UGGT2: variants seen among roughly 807,000 people sequenced by gnomAD.
UGGT2 encodes the protein UDP-glucose:glycoprotein glucosyltransferase 2.
Under a neutral mutation model 192.1 loss-of-function variants are expected in UGGT2, and 180 were observed. The observed-to-expected ratio is 0.94, with a 90% confidence interval of 0.83 to 1.06. The LOEUF (loss-of-function observed/expected upper bound fraction) is 1.06. Among genes scored for constraint, UGGT2 ranks in the 50% least tolerant of loss-of-function variants. The probability of loss-of-function intolerance (pLI) is 0.00; values close to 1 mark genes in which losing one functional copy is unlikely to be tolerated. For synonymous variants in UGGT2, 580 were observed against 591.0 expected (o/e 0.98, Z 0.27); for missense variants, 1,849 against 1,795.7 (o/e 1.03, Z -0.54).
chr13:95,904,054 CCT>C (rs2048194262), intron 20 of UGGT2, among the ~76,000 whole-genome samples: 1 of 151,832 alleles, frequency 6.6e-6, no homozygotes, highest in African/African-American at 2.4e-5. Context: ...TTTTTTGGCC[CCT>C]GACTTGGAGG....
intron 17 of UGGT2, among the ~76,000 whole-genome samples, chr13:95,929,498 T>G (rs2049168679): frequency 6.6e-6 from 1 of 152,186 alleles, no homozygotes; most frequent in South Asian, 2.1e-4. Flanking sequence ...GCCATCTTTA[T>G]GTCTATGAGT....
chr13:95,938,580 A>G (rs776961394), intron 16 of UGGT2, among the ~76,000 whole-genome samples: 4 of 152,186 alleles, frequency 2.6e-5, no homozygotes, highest in Non-Finnish European at 5.9e-5. Flanking sequence ...GTACTATACT[A>G]TCTGTACGTT....
At chr13:95,922,880 CTT>C (rs573661425) in intron 20 of UGGT2, among the ~76,000 whole-genome samples, 42 of 152,216 alleles carry the variant, frequency 2.8e-4, no homozygotes, top group South Asian at 1.7e-3. Context: ...AAGAAACTCT[CTT>C]TGTTTTTAAA....
At chr13:95,818,025 T>C (rs1885083371) in intron 38 of UGGT2, among the ~76,000 whole-genome samples, 1 of 152,098 alleles carries the variant, frequency 6.6e-6, no homozygotes, top group African/African-American at 2.4e-5. Context: ...GCACCAAAAA[T>C]ACCCTGGCCA....
chr13:95,848,816 C>A (rs1888732244), intron 36 of UGGT2, among the ~76,000 whole-genome samples: 1 of 152,054 alleles, frequency 6.6e-6, no homozygotes, highest in South Asian at 2.1e-4. Flanking sequence ...AAACAACTTG[C>A]TAGGACTTTG....
rs2048158018 is a variant in UGGT2, at chr13:95,903,046, A to T, written c.2310T>A (p.His770Gln). The change falls in exon 21 of 39, where the codon CAT (histidine) becomes CAA (glutamine). Residue 770 changes from histidine (H) to glutamine (Q), a missense_variant. Physicochemically the swap from His to Gln is conservative, Grantham distance 24. Coordinates refer to ENST00000376747, the MANE Select transcript of UGGT2 (RefSeq NM_020121.4). ...GATTATAAATAATCCCCAACCGACT[A>T]TGAACACTTGTTTTCTGCAAACATA... ...NALKHMKTSV[H>Q]SRLGIIYNPT... 1 of 1,610,818 alleles carries T rather than the reference A, an allele frequency of 6.2e-7. No individual in the cohort carries two copies. The highest frequency in any genetic ancestry group is 8.5e-7 in the Non-Finnish European group (1 of 1,179,110).
chr13:95,919,272 C>T (rs956097575), intron 20 of UGGT2, among the ~76,000 whole-genome samples: 1 of 152,134 alleles, frequency 6.6e-6, no homozygotes, highest in Non-Finnish European at 1.5e-5. Flanking sequence ...ACTGAATGGG[C>T]AAAAGCTGGA....
At chr13:95,881,006 C>G (rs2047476551) in intron 27 of UGGT2, among the ~76,000 whole-genome samples, 1 of 152,138 alleles carries the variant, frequency 6.6e-6, no homozygotes. Context: ...AACCCCGTCT[C>G]TACTAAAAAT....
intron 17 of UGGT2, among the ~76,000 whole-genome samples, chr13:95,935,852 GGTCTCGCTCT>G (rs1390872510): frequency 2.6e-5 from 4 of 152,000 alleles, no homozygotes; most frequent in Non-Finnish European, 5.9e-5. Context: ...TTTCAGACAG[GGTCTCGCTCT>G]GTCATCCAGG....
intron 12 of UGGT2, among the ~76,000 whole-genome samples, chr13:95,952,867 T>C (rs1009767799): frequency 4.6e-5 from 7 of 152,170 alleles, no homozygotes; most frequent in African/African-American, 1.7e-4. Flanking sequence ...CCTCTAGAGA[T>C]TGATCAAGAA....
chr13:96,021,493 G>T (rs1010269460), intron 4 of UGGT2, among the ~76,000 whole-genome samples: 1 of 152,034 alleles, frequency 6.6e-6, no homozygotes, highest in African/African-American at 2.4e-5. Context: ...GAATAATATG[G>T]CTGCCTAATT....
intron 29 of UGGT2, among the ~76,000 whole-genome samples, chr13:95,869,754 A>G (rs999951460): frequency 6.6e-6 from 1 of 152,230 alleles, no homozygotes; most frequent in Non-Finnish European, 1.5e-5. Context: ...CAAGCTAAGC[A>G]GTCAGAGGAA....
chr13:96,005,547 T>C (rs1348030283), intron 5 of UGGT2, among the ~76,000 whole-genome samples: 1 of 152,088 alleles, frequency 6.6e-6, no homozygotes, highest in Non-Finnish European at 1.5e-5. Flanking sequence ...GCAACAAAAT[T>C]GTAGCTATAT....
Position 96,037,839 on chromosome 13 carries a change from C to T in UGGT2, c.159-5868G>A, listed in dbSNP as rs547120525. Among the ~76,000 whole-genome samples the T allele has an allele frequency of 3.9e-5, 6 of 152,244 alleles. No individual in the cohort carries two copies. The South Asian group carries it at 1.0e-3, about 26-fold the overall frequency. On this transcript the variant is annotated intron_variant, in intron 1 of 38. Transcript: ENST00000376747. ...CCTACAATTTTAAGAGAAACATAAA[C>T]AAATTGAAGGAAAGCAGAATAACGA...
chr13:96,002,707 A>C (rs1186174074), intron 5 of UGGT2, among the ~76,000 whole-genome samples: 1 of 152,258 alleles, frequency 6.6e-6, no homozygotes, highest in African/African-American at 2.4e-5. Flanking sequence ...TCAAAATTAT[A>C]CAATGAACAA....
intron 17 of UGGT2, among the ~76,000 whole-genome samples, chr13:95,930,384 ATTCTTATAGTT>A (rs1311665390): frequency 1.3e-5 from 2 of 151,954 alleles, no homozygotes; most frequent in Non-Finnish European, 2.9e-5. Flanking sequence ...TTCTTCTAGA[ATTCTTATAGTT>A]TTAAGTCTTA....
chr13:95,998,701 T>C (rs1266038758), intron 6 of UGGT2, among the ~76,000 whole-genome samples: 7 of 152,090 alleles, frequency 4.6e-5, no homozygotes, highest in Admixed American at 2.6e-4. Context: ...AAAATACAGA[T>C]AGATATTGGT....
At chr13:96,038,955 T>A (rs187740549) in intron 1 of UGGT2, among the ~76,000 whole-genome samples, 5 of 152,264 alleles carry the variant, frequency 3.3e-5, no homozygotes, top group Non-Finnish European at 2.9e-5. Context: ...CCTGTCCACC[T>A]GTGAAACTAG....
intron 20 of UGGT2, among the ~76,000 whole-genome samples, chr13:95,905,325 C>T (rs2048251571): frequency 1.4e-5 from 2 of 146,148 alleles, no homozygotes; most frequent in Non-Finnish European, 3.1e-5. Flanking sequence ...TCAATTTTGG[C>T]TTTTGTTGCC....
Sources: allele counts gnomAD v4.1 joint callset (sites outside exome capture counted in the v4.1 genomes callset), GRCh38; gene constraint gnomAD v4.1.1; transcripts MANE v1.5; gene names NCBI Gene and HGNC (gene_info 2026-07-23, HGNC 2026-07-21).